Variants in SEMA5A observed in about 807,000 individuals in gnomAD.
The protein encoded by SEMA5A is semaphorin 5A, also known as semaphorin-5A.
A neutral mutation model predicts 135.5 loss-of-function variants in SEMA5A; 55 were observed. The observed-to-expected ratio is 0.41, with a 90% CI of 0.33 to 0.51. The LOEUF is 0.51. Among genes scored for constraint, SEMA5A ranks in the 20% least tolerant of loss-of-function variants. SEMA5A has a pLI of 0.37. For synonymous variants in SEMA5A, 580 were observed against 546.5 expected (o/e 1.06, Z -0.85); for missense variants, 1,290 against 1,419.9 (o/e 0.91, Z 1.47).
chr5:9,278,649 C>T (rs1018708745), intron 5 of SEMA5A, among the ~76,000 whole-genome samples: 2 of 152,190 alleles, frequency 1.3e-5, no homozygotes, highest in Admixed American at 1.3e-4. Flanking sequence ...GGCCCAGGGC[C>T]CTGCTGCTCT....
chr5:9,511,783 C>T lies in SEMA5A; in HGVS notation c.-175+33801G>A, dbSNP rs527395350. Among the ~76,000 whole-genome samples, 3 of 152,150 alleles carry T rather than the reference C, an allele frequency of 2.0e-5. No individual in the cohort carries two copies. In the South Asian group the frequency reaches 6.2e-4, roughly 32 times the overall value. ...ATCATTCCACAAGATGTACATGTAT[C>T]AAAACAGCATGTTGAACACTATAAA... On this transcript the variant is annotated intron_variant, in intron 1 of 22. Coordinates refer to ENST00000382496, the MANE Select transcript of SEMA5A (RefSeq NM_003966.3).
rs150723389 is a variant in SEMA5A at position 9,075,266 on chromosome 5, A to T, written c.2074-8620T>A. On this transcript the variant is annotated intron_variant, in intron 16 of 22. Transcript: ENST00000382496. ...ACAAGCCATTTGAAAACTGTTTGAT[A>T]CTTTCCTAAGAAGTCAAACGTATAC... is the stretch of plus-strand genomic sequence containing the variant. Among the ~76,000 whole-genome samples the T allele has an allele frequency of 2.2e-3, 335 of 152,314 alleles. 1 individual carries two copies. The highest frequency in any genetic ancestry group is 2.0e-3 in the Non-Finnish European group (139 of 68,030).
chr5:9,090,490 G>A (rs1738971472), intron 16 of SEMA5A, among the ~76,000 whole-genome samples: 2 of 152,166 alleles, frequency 1.3e-5, no homozygotes, highest in Non-Finnish European at 1.5e-5. Context: ...TTAAAATGTT[G>A]AAAGAACTCT....
chr5:9,366,294 T>C (rs1754910556), intron 3 of SEMA5A, among the ~76,000 whole-genome samples: 2 of 152,186 alleles, frequency 1.3e-5, no homozygotes, highest in Admixed American at 6.5e-5. Flanking sequence ...AAATAAAATA[T>C]ACTGATTTTT....
intron 6 of SEMA5A, 80 bp from the exon 7 acceptor site, chr5:9,227,047 A>G (rs1579660875): frequency 1.5e-6 from 1 of 655,798 alleles, no homozygotes; most frequent in East Asian, 4.4e-5. Flanking sequence ...TCTGAGCACA[A>G]GAAGAATGGT....
chr5:9,356,473 C>G (rs1173932736), intron 3 of SEMA5A, among the ~76,000 whole-genome samples: 2 of 151,962 alleles, frequency 1.3e-5, no homozygotes, highest in Non-Finnish European at 2.9e-5. Flanking sequence ...ACTTTGGATT[C>G]CAAATCAAAC....
chr5:9,420,733 C>T (rs1360915962), intron 2 of SEMA5A, among the ~76,000 whole-genome samples: 1 of 152,020 alleles, frequency 6.6e-6, no homozygotes, highest in Non-Finnish European at 1.5e-5. Flanking sequence ...TTCATGGCCC[C>T]GCCAGGCATG....
intron 5 of SEMA5A, among the ~76,000 whole-genome samples, chr5:9,286,270 T>C (rs773904532): frequency 1.3e-5 from 2 of 152,182 alleles, no homozygotes; most frequent in Non-Finnish European, 2.9e-5. Context: ...ATGTGTATTA[T>C]ATATAGTTGG....
intron 1 of SEMA5A, among the ~76,000 whole-genome samples, chr5:9,538,189 A>C (rs192232855): frequency 5.3e-5 from 8 of 149,752 alleles, no homozygotes; most frequent in Admixed American, 4.0e-4. Flanking sequence ...ACCTATATTC[A>C]GCATTACATT....
At position 9,190,477 on chromosome 5, in the gene SEMA5A, AG is replaced by A; in HGVS notation, c.1069-7del. 3 of 1,612,536 alleles carry A rather than the reference AG, an allele frequency of 1.9e-6. No homozygotes were observed. Among genetic ancestry groups the A allele is most frequent in the Non-Finnish European group, 1.7e-6 (2 of 1,179,812 alleles). On this transcript the variant is annotated splice_region_variant and splice_polypyrimidine_tract_variant and intron_variant, in intron 10 of 22. Coordinates refer to ENST00000382496, the MANE Select transcript of SEMA5A (RefSeq NM_003966.3). ...CCCTGGTCCACGGTGCCACACTGAA[AG>A]GGAAGACGGGCCAGGTTACCAGAGC...
At position 9,239,430 on chromosome 5, in the gene SEMA5A, C is replaced by T. The variant is rs568833588; in HGVS notation, c.271-1540G>A. 2.0e-4 allele frequency among the ~76,000 whole-genome samples: 31 copies of T among 152,252 alleles called. No homozygotes were observed. In the South Asian group the frequency reaches 5.0e-3, roughly 24 times the overall value. The stretch of plus-strand genomic sequence containing the variant: ...GCAATGACACCTCCAGAGAAAACAG[C>T]CTCCCATACAGTTGCATAACTATAT... On this transcript the variant is annotated intron_variant, in intron 5 of 22. Transcript: ENST00000382496.
intron 3 of SEMA5A, among the ~76,000 whole-genome samples, chr5:9,360,559 T>C (rs1312924679): frequency 1.3e-5 from 2 of 152,202 alleles, no homozygotes; most frequent in African/African-American, 4.8e-5. Context: ...GAAGCTTTAG[T>C]ACACACTCTT....
chr5:9,344,241 T>G (rs1260670943), intron 3 of SEMA5A, among the ~76,000 whole-genome samples: 12 of 152,234 alleles, frequency 7.9e-5, no homozygotes, highest in Non-Finnish European at 1.3e-4. Flanking sequence ...GTTATAAAAT[T>G]TTTTTAAACC....
chr5:9,536,514 G>C (rs1202385256), intron 1 of SEMA5A, among the ~76,000 whole-genome samples: 5 of 151,960 alleles, frequency 3.3e-5, no homozygotes, highest in Admixed American at 3.3e-4. Context: ...TTGGGAGGCT[G>C]AGGCAGGAGA....
Position 9,197,786 on chromosome 5 carries a change from T to G in SEMA5A, c.933-483A>C, listed in dbSNP as rs73740392. On this transcript the variant is annotated intron_variant, in intron 9 of 22. Coordinates refer to ENST00000382496, the MANE Select transcript of SEMA5A (RefSeq NM_003966.3). Reference sequence around the variant, plus strand: ...TGTGTGTGTGTGTGTGTGTGTGTGTTTTAACCCAGATATTTGTTTTATTTG... The same window carrying G: ...TGTGTGTGTGTGTGTGTGTGTGTGTGTTAACCCAGATATTTGTTTTATTTG... 2.3e-3 allele frequency among the ~76,000 whole-genome samples: 119 copies of G among 51,578 alleles called. 4 individuals carry two copies. Among genetic ancestry groups the G allele is most frequent in the African/African-American group, 8.5e-3 (95 of 11,142 alleles). 33.8% of individuals were successfully genotyped at this position (51,578 alleles called of 152,430 possible).
At chr5:9,366,443 C>G (rs1253401351) in intron 3 of SEMA5A, among the ~76,000 whole-genome samples, 3 of 150,906 alleles carry the variant, frequency 2.0e-5, no homozygotes, top group Admixed American at 6.6e-5. Flanking sequence ...GGCTGAAGTG[C>G]AGTGGTGCGA....
intron 14 of SEMA5A, among the ~76,000 whole-genome samples, chr5:9,119,924 T>C (rs1266682473): frequency 7.0e-6 from 1 of 142,994 alleles, no homozygotes; most frequent in Non-Finnish European, 1.5e-5. Context: ...AAAATAAAAA[T>C]AGGATGAACC....
chr5:9,117,883 A>G (rs2150175328), intron 15 of SEMA5A, among the ~76,000 whole-genome samples: 1 of 152,292 alleles, frequency 6.6e-6, no homozygotes, highest in East Asian at 1.9e-4. Context: ...TGTCTCAGGG[A>G]CTGCTTAAAA....
At chr5:9,414,566 A>G (rs1464499336) in intron 2 of SEMA5A, among the ~76,000 whole-genome samples, 1 of 152,214 alleles carries the variant, frequency 6.6e-6, no homozygotes, top group African/African-American at 2.4e-5. Context: ...ACCAGTCATA[A>G]TATGAAAACA....
Sources: gnomAD v4.1 joint callset for allele counts (sites outside exome capture counted in the v4.1 genomes callset) on GRCh38, gnomAD v4.1.1 for gene constraint, MANE v1.5 for transcripts, NCBI Gene and HGNC (gene_info 2026-07-23, HGNC 2026-07-21) for gene names.